TNFRSF21: variants seen among roughly 807,000 people sequenced by gnomAD.
TNFRSF21 encodes the protein tumor necrosis factor receptor superfamily member 21.
TNFRSF21 carries 19 observed loss-of-function variants against 45.6 expected under a neutral mutation model. The ratio of observed to expected loss-of-function variants is 0.42; its 90% CI spans 0.29 to 0.61. The LOEUF (loss-of-function observed/expected upper bound fraction) is 0.61, where lower values mean the gene tolerates loss of function less well. TNFRSF21 is among the 20% of genes least tolerant of loss of function. The pLI, the probability that TNFRSF21 is intolerant of heterozygous loss-of-function variation, is 0.23. For synonymous variants in TNFRSF21, 314 were observed against 335.5 expected (o/e 0.94, Z 0.70); for missense variants, 737 against 851.5 (o/e 0.87, Z 1.67).
At chr6:47,248,503 A>G (rs9473035) in intron 4 of TNFRSF21, among the ~76,000 whole-genome samples, 65,363 of 152,040 alleles carry the variant, frequency 0.43, 16,095 homozygotes, top group African/African-American at 0.66. Flanking sequence ...AAAAAAACAT[A>G]GAAAACCAAA....
At chr6:47,308,571 G>A (rs1261408357) in intron 1 of TNFRSF21, among the ~76,000 whole-genome samples, 1 of 152,244 alleles carries the variant, frequency 6.6e-6, no homozygotes, top group African/African-American at 2.4e-5. Flanking sequence ...TGATTGACCC[G>A]AGATGTGGAT....
intron 3 of TNFRSF21, among the ~76,000 whole-genome samples, chr6:47,270,866 A>C (rs1762405075): frequency 6.6e-6 from 1 of 152,214 alleles, no homozygotes. Context: ...ACTTCGAGAC[A>C]CATGCACAAG....
chr6:47,238,249 C>G (rs1200141417), intron 4 of TNFRSF21, among the ~76,000 whole-genome samples: 1 of 152,176 alleles, frequency 6.6e-6, no homozygotes, highest in South Asian at 2.1e-4. Flanking sequence ...GAGCTCCTCT[C>G]TATACTTTTG....
At chr6:47,269,548 T>C (rs36081806) in intron 3 of TNFRSF21, among the ~76,000 whole-genome samples, 4,921 of 152,314 alleles carry the variant, frequency 0.032, 108 homozygotes, top group Non-Finnish European at 0.051. Context: ...TAGGATAGCA[T>C]GTTTACTTCA....
chr6:47,273,910 A>C (rs1190747047), intron 3 of TNFRSF21, among the ~76,000 whole-genome samples: 1 of 152,184 alleles, frequency 6.6e-6, no homozygotes, highest in African/African-American at 2.4e-5. Context: ...AAAATAAAAT[A>C]CCTAGGAATC....
At chr6:47,309,363 C>A (rs1362045458) in intron 1 of TNFRSF21, 53 bp downstream of exon 1, 1 of 1,499,810 alleles carries the variant, frequency 6.7e-7, no homozygotes, top group Non-Finnish European at 8.8e-7. Context: ...TCCCGGAGAG[C>A]GGTTCCTTCT....
At chr6:47,244,913 A>G (rs573041533) in intron 4 of TNFRSF21, among the ~76,000 whole-genome samples, 1 of 152,244 alleles carries the variant, frequency 6.6e-6, no homozygotes, top group African/African-American at 2.4e-5. Flanking sequence ...TCACAAACAC[A>G]GAGTGGAGAA....
chr6:47,267,271 GT>G (rs1286133546), intron 3 of TNFRSF21, among the ~76,000 whole-genome samples: 6 of 151,642 alleles, frequency 4.0e-5, no homozygotes, highest in Non-Finnish European at 8.8e-5. Flanking sequence ...GCTAATTTTT[GT>G]ATTTTTTAGT....
At position 47,244,428 on chromosome 6, in the gene TNFRSF21, T is replaced by C. The variant is rs111396666; in HGVS notation, c.1509+8828A>G. ...TTAATTTGTAAAAACTCCTTATTTT[T>C]CAAGAAACTGAACCCTATGTTTCAA... On this transcript the variant is annotated intron_variant, in intron 4 of 5. Coordinates refer to ENST00000296861, the MANE Select transcript of TNFRSF21 (RefSeq NM_014452.5). Among the ~76,000 whole-genome samples, 1,202 of 152,312 alleles carry C rather than the reference T, an allele frequency of 7.9e-3. 12 individuals carry two copies. The highest frequency in any genetic ancestry group is 0.013 in the Non-Finnish European group (881 of 68,022).
intron 1 of TNFRSF21, among the ~76,000 whole-genome samples, chr6:47,296,809 G>T (rs1363802264): frequency 6.6e-6 from 1 of 152,138 alleles, no homozygotes; most frequent in Non-Finnish European, 1.5e-5. Flanking sequence ...CTGTTCATTT[G>T]TATCCTTTAT....
chr6:47,268,399 T>C (rs1762364438), intron 3 of TNFRSF21, among the ~76,000 whole-genome samples: 1 of 152,230 alleles, frequency 6.6e-6, no homozygotes, highest in African/African-American at 2.4e-5. Context: ...AGATTTATCC[T>C]GGACAAGAAC....
At chr6:47,252,781 G>C (rs1380054163) in intron 4 of TNFRSF21, among the ~76,000 whole-genome samples, 1 of 152,204 alleles carries the variant, frequency 6.6e-6, no homozygotes, top group Non-Finnish European at 1.5e-5. Flanking sequence ...AATCAGTTCT[G>C]TCATCAACTG....
At chr6:47,286,784 C>A (rs1364114606) in intron 1 of TNFRSF21, among the ~76,000 whole-genome samples, 189 bp from the exon 2 acceptor site, 1 of 152,190 alleles carries the variant, frequency 6.6e-6, no homozygotes, top group Non-Finnish European at 1.5e-5. Flanking sequence ...TTGGATCCCA[C>A]CCTACAGCTT....
intron 1 of TNFRSF21, among the ~76,000 whole-genome samples, chr6:47,295,383 G>A (rs1029864538): frequency 6.6e-6 from 1 of 152,210 alleles, no homozygotes; most frequent in African/African-American, 2.4e-5. Flanking sequence ...GCAAAGTCAA[G>A]GCGGAAATAA....
intron 3 of TNFRSF21, among the ~76,000 whole-genome samples, chr6:47,279,312 G>T (rs1203606783): frequency 6.6e-6 from 1 of 152,124 alleles, no homozygotes; most frequent in African/African-American, 2.4e-5. Flanking sequence ...AAATAGTAAC[G>T]GCACAAATTA....
rs548026261 is a variant in TNFRSF21, at chr6:47,243,648, C to T, written c.1510-8750G>A. On this transcript the variant is annotated intron_variant, in intron 4 of 5. Transcript: ENST00000296861. ...GGCCAGGCTGTTCTCAAACTCCTAACTTCAAGTGATCTGCCCACCTTGGCC... is the reference window on the plus strand; with the variant it reads ...GGCCAGGCTGTTCTCAAACTCCTAATTTCAAGTGATCTGCCCACCTTGGCC... Among the ~76,000 whole-genome samples, 4 of 152,256 alleles carry T rather than the reference C, an allele frequency of 2.6e-5. No individual in the cohort carries two copies. In the South Asian group the frequency reaches 6.2e-4, roughly 24 times the overall value.
At chr6:47,284,810 T>A (rs1762623309) in intron 2 of TNFRSF21, among the ~76,000 whole-genome samples, 1 of 152,180 alleles carries the variant, frequency 6.6e-6, no homozygotes, top group Admixed American at 6.5e-5. Context: ...ATTTTGTCCA[T>A]CCTCCTTCTC....
chr6:47,232,158 A>T lies in TNFRSF21; in HGVS notation c.*607T>A, dbSNP rs1764592941. On this transcript the variant is annotated 3_prime_UTR_variant, in exon 6 of 6. Transcript: ENST00000296861. Reference sequence around the variant, plus strand: ...CATGAATATGAACTATACAAGACATATTTAAAAGATAACTCAAAGTTGAAT... The same window carrying T: ...CATGAATATGAACTATACAAGACATTTTTAAAAGATAACTCAAAGTTGAAT... 1 of 152,718 alleles carries T rather than the reference A, an allele frequency of 6.5e-6. No individual in the cohort carries two copies. The highest frequency in any genetic ancestry group is 1.5e-5 in the Non-Finnish European group (1 of 68,298). The allele number at this position is 152,718 out of a possible 1,614,324, so 9.5% of individuals were successfully genotyped here.
intron 3 of TNFRSF21, among the ~76,000 whole-genome samples, chr6:47,259,114 C>G (rs1440766420): frequency 6.6e-6 from 1 of 152,214 alleles, no homozygotes; most frequent in Non-Finnish European, 1.5e-5. Context: ...ATGAAAGTTC[C>G]CACCCCAATT....
Sources: gnomAD v4.1 joint callset for allele counts (sites outside exome capture counted in the v4.1 genomes callset) on GRCh38, gnomAD v4.1.1 for gene constraint, MANE v1.5 for transcripts, NCBI Gene and HGNC (gene_info 2026-07-23, HGNC 2026-07-21) for gene names.